Variants in HTR1D observed in about 807,000 individuals in gnomAD.
HTR1D encodes the protein 5-HT-1D.
Under a neutral mutation model 21.1 loss-of-function variants are expected in HTR1D, and 18 were observed. The ratio of observed to expected loss-of-function variants is 0.85; its 90% CI spans 0.59 to 1.27. The LOEUF is 1.27. HTR1D is among the 50% of genes most tolerant of loss of function. The pLI is 0.00. For missense variants in HTR1D, 456 were observed against 481.4 expected (o/e 0.95, Z 0.49); for synonymous variants, 196 against 204.4 (o/e 0.96, Z 0.35).
At chr1:23,198,304 T>A (rs1310439821) in intron 1 of HTR1D, among the ~76,000 whole-genome samples, 4 of 146,868 alleles carry the variant, frequency 2.7e-5, no homozygotes, top group Admixed American at 7.0e-5. Flanking sequence ...AGGCGGAGCT[T>A]GCAGTGAGCC....
chr1:23,196,144 G>A (rs1017305976), intron 1 of HTR1D, among the ~76,000 whole-genome samples: 4 of 150,098 alleles, frequency 2.7e-5, no homozygotes, highest in East Asian at 2.1e-4. Context: ...GCTTCTTAAC[G>A]TTTTAAAAAT....
In HTR1D at chr1:23,192,420, T is replaced by C. The variant is rs1401585638; in HGVS notation, c.*666A>G. On this transcript the variant is annotated 3_prime_UTR_variant, in exon 2 of 2. Coordinates refer to ENST00000374619, the MANE Select transcript of HTR1D (RefSeq NM_000864.5). The stretch of plus-strand genomic sequence containing the variant: ...CCCTCCTTTAAGCTCCATATAGATC[T>C]CAGGTAGACCAGAGAGCCTTCCCTC... The C allele has an allele frequency of 6.6e-6, 1 of 152,630 alleles. No individual in the cohort carries two copies. The highest frequency in any genetic ancestry group is 1.5e-5 in the Non-Finnish European group (1 of 68,040). The allele number at this position is 152,630 out of a possible 1,614,324, so 9.5% of individuals were successfully genotyped here.
chr1:23,196,511 T>C (rs1236798171), intron 1 of HTR1D, among the ~76,000 whole-genome samples: 1 of 149,606 alleles, frequency 6.7e-6, no homozygotes, highest in Non-Finnish European at 1.5e-5. Context: ...ACTCCCCAAA[T>C]TTGTGGGTGC....
intron 1 of HTR1D, among the ~76,000 whole-genome samples, chr1:23,204,274 G>T (rs934763331): frequency 6.6e-5 from 10 of 151,982 alleles, no homozygotes; most frequent in Admixed American, 4.6e-4. Context: ...TACAGGCACT[G>T]GCCACCACGC....
At chr1:23,209,772 T>C (rs1299263581) in intron 1 of HTR1D, among the ~76,000 whole-genome samples, 1 of 152,146 alleles carries the variant, frequency 6.6e-6, no homozygotes, top group Non-Finnish European at 1.5e-5. Flanking sequence ...GATTGGAATC[T>C]GGGCTTGCCC....
At chr1:23,197,059 G>A (rs1644691525) in intron 1 of HTR1D, among the ~76,000 whole-genome samples, 1 of 152,156 alleles carries the variant, frequency 6.6e-6, no homozygotes, top group African/African-American at 2.4e-5. Flanking sequence ...ATTTCCCAAG[G>A]AAGCCTGGTG....
intron 1 of HTR1D, among the ~76,000 whole-genome samples, chr1:23,211,633 G>GTATA (rs1644753844): frequency 6.6e-6 from 1 of 151,034 alleles, no homozygotes; most frequent in Non-Finnish European, 1.5e-5. Context: ...ATGTATGTAT[G>GTATA]TATGTATGTA....
chr1:23,202,593 G>A (rs766100910), intron 1 of HTR1D, among the ~76,000 whole-genome samples: 3 of 152,032 alleles, frequency 2.0e-5, no homozygotes, highest in Non-Finnish European at 4.4e-5. Flanking sequence ...CTTTTTGGAA[G>A]AAAAAAATAA....
intron 1 of HTR1D, among the ~76,000 whole-genome samples, chr1:23,207,224 C>T (rs905131957): frequency 6.6e-6 from 1 of 151,934 alleles, no homozygotes; most frequent in Non-Finnish European, 1.5e-5. Flanking sequence ...ATGGAGAAAC[C>T]CCGTCTCTAC....
At position 23,214,719 on chromosome 1, in the gene HTR1D, A is replaced by G. The variant is rs559768914; in HGVS notation, c.-783+2572T>C. Among the ~76,000 whole-genome samples the G allele has an allele frequency of 7.1e-4, 108 of 152,146 alleles. 1 individual carries two copies. The South Asian group carries it at 7.7e-3, about 11-fold the overall frequency. On this transcript the variant is annotated intron_variant, in intron 1 of 1. Transcript: ENST00000374619. ...TTTTCTGCCTGTTTGTTTATTGCGT[A>G]TCTTTCCCCACACACCCTCCACCTG...
At chr1:23,210,729 C>A (rs945730801) in intron 1 of HTR1D, among the ~76,000 whole-genome samples, 1 of 152,086 alleles carries the variant, frequency 6.6e-6, no homozygotes, top group African/African-American at 2.4e-5. Context: ...AAGTCTCCCC[C>A]CCAGCTCTCA....
chr1:23,200,293 A>G (rs899855106), intron 1 of HTR1D, among the ~76,000 whole-genome samples: 1 of 152,192 alleles, frequency 6.6e-6, no homozygotes, highest in African/African-American at 2.4e-5. Flanking sequence ...TAAACAGTGG[A>G]GTCCTGAACA....
intron 1 of HTR1D, among the ~76,000 whole-genome samples, chr1:23,208,044 T>G (rs573642079): frequency 4.5e-4 from 68 of 152,186 alleles, no homozygotes; most frequent in Admixed American, 7.2e-4. Flanking sequence ...ATTATAGGCG[T>G]GAGCCACTGC....
At position 23,193,398 on chromosome 1, in the gene HTR1D, G is replaced by C. The variant is rs1557717545; in HGVS notation, c.822C>G (p.Phe274Leu). Residue 274 changes from phenylalanine to leucine, a missense_variant, in exon 2 of 2, where the codon TTC becomes TTG. Transcript: ENST00000374619. ...CAGCAAGCTTGATTTTCACGTGGTT[G>C]AAAAAGAGAGGGGAGCCAGCCGAGT... ...HSHSAGSPLFFNHVKIKLADS... is the reference protein window; with the variant it reads ...HSHSAGSPLFLNHVKIKLADS... 2 of 1,614,222 alleles carry C rather than the reference G, an allele frequency of 1.2e-6. No individual in the cohort carries two copies. Among genetic ancestry groups the C allele is most frequent in the Non-Finnish European group, 1.7e-6 (2 of 1,180,044 alleles).
At chr1:23,197,420 A>ACACTT (rs1189983740) in intron 1 of HTR1D, among the ~76,000 whole-genome samples, 1 of 152,168 alleles carries the variant, frequency 6.6e-6, no homozygotes, top group East Asian at 1.9e-4. Flanking sequence ...CTTTCCCGTC[A>ACACTT]CACTTCAAAT....
chr1:23,208,773 T>C (rs1002776733), intron 1 of HTR1D, among the ~76,000 whole-genome samples: 5 of 152,014 alleles, frequency 3.3e-5, no homozygotes, highest in African/African-American at 1.2e-4. Flanking sequence ...ACACAGGTAA[T>C]ATATGGCACA....
At position 23,193,456 on chromosome 1, in the gene HTR1D, G is replaced by T; in HGVS notation, c.764C>A (p.Ser255Ter). The T allele has an allele frequency of 6.2e-7, 1 of 1,614,234 alleles. No homozygotes were observed. Among genetic ancestry groups the T allele is most frequent in the South Asian group, 1.1e-5 (1 of 91,086 alleles). ...CCCCTCATGGAGGCTGGAGTTGAGCGAGCAGAGCGAGGACCCGGCAGAGCC... is the reference window on the plus strand; with the variant it reads ...CCCCTCATGGAGGCTGGAGTTGAGCTAGCAGAGCGAGGACCCGGCAGAGCC... The part of the protein sequence containing the change: ...ITGSAGSSLC[S>*]LNSSLHEGHS... The change falls in exon 2 of 2, where the codon TCG becomes TAG. Residue 255 changes from serine to a stop codon, truncating the protein, a stop_gained. Coordinates refer to ENST00000374619, the MANE Select transcript of HTR1D (RefSeq NM_000864.5). LOFTEE classifies it high-confidence loss of function.
chr1:23,202,308 G>C (rs1249151115), intron 1 of HTR1D, among the ~76,000 whole-genome samples: 1 of 152,074 alleles, frequency 6.6e-6, no homozygotes, highest in African/African-American at 2.4e-5. Flanking sequence ...GGCCAGGCTG[G>C]TTTCGTACTC....
intron 1 of HTR1D, among the ~76,000 whole-genome samples, chr1:23,210,445 A>C (rs993343139): frequency 6.6e-6 from 1 of 152,184 alleles, no homozygotes; most frequent in East Asian, 1.9e-4. Flanking sequence ...GGGTAGCAGT[A>C]GTGTCAGCCC....
Sources: gnomAD v4.1 joint callset for allele counts (sites outside exome capture counted in the v4.1 genomes callset) on GRCh38, gnomAD v4.1.1 for gene constraint, MANE v1.5 for transcripts, NCBI Gene and HGNC (gene_info 2026-07-23, HGNC 2026-07-21) for gene names.